DDI2: variants seen among roughly 807,000 people sequenced by gnomAD.
DDI2 encodes the protein protein DDI1 homolog 2.
DDI2 carries 5 observed loss-of-function variants against 48.1 expected under a neutral mutation model. The ratio of observed to expected loss-of-function variants is 0.10; its 90% CI spans 0.05 to 0.22. DDI2 has a LOEUF of 0.22. DDI2 is among the 10% of genes least tolerant of loss of function. The probability of loss-of-function intolerance (pLI) is 1.00; values close to 1 mark genes in which losing one functional copy is unlikely to be tolerated. For missense variants in DDI2, 285 were observed against 506.2 expected, an observed-to-expected ratio of 0.56 and a Z score of 4.19; for synonymous variants, 205 against 183.6, an observed-to-expected ratio of 1.12 and a Z score of -0.94.
At chr1:15,634,565 C>G (rs1639899392) in intron 4 of DDI2, among the ~76,000 whole-genome samples, 1 of 18,764 alleles carries the variant, frequency 5.3e-5, no homozygotes, top group Non-Finnish European at 9.0e-5. Context: ...CAAGGTCTCA[C>G]TCTGTCACCC....
At chr1:15,623,740 C>T (rs1639707487) in intron 1 of DDI2, among the ~76,000 whole-genome samples, 1 of 151,954 alleles carries the variant, frequency 6.6e-6, no homozygotes. Flanking sequence ...TTTGCTTCCT[C>T]CTTGTAAATA....
At chr1:15,636,250 T>C (rs1639927449) in intron 4 of DDI2, among the ~76,000 whole-genome samples, 1 of 152,116 alleles carries the variant, frequency 6.6e-6, no homozygotes, top group Non-Finnish European at 1.5e-5. Flanking sequence ...CCCATCAGCC[T>C]CCTGAGTAGC....
intron 6 of DDI2, among the ~76,000 whole-genome samples, chr1:15,648,425 A>G (rs1323701978): frequency 3.3e-5 from 5 of 152,354 alleles, no homozygotes; most frequent in South Asian, 2.1e-4. Context: ...GTTCTCCCAC[A>G]TTAATCCACA....
chr1:15,650,609 G>A (rs576602413), intron 7 of DDI2, among the ~76,000 whole-genome samples: 38 of 152,176 alleles, frequency 2.5e-4, no homozygotes, highest in Middle Eastern at 6.8e-3. Flanking sequence ...TTAGCTAGGC[G>A]TGGTGGTACA....
At position 15,660,946 on chromosome 1, in the gene DDI2, C is replaced by A; in HGVS notation, c.*1156C>A. The A allele has an allele frequency of 1.2e-6, 2 of 1,613,310 alleles. No homozygotes were observed. The highest frequency in any genetic ancestry group is 1.7e-6 in the Non-Finnish European group (2 of 1,179,720). On this transcript the variant is annotated 3_prime_UTR_variant, in exon 10 of 10. Transcript: ENST00000480945. Reference sequence around the variant, plus strand: ...TATAACGGCAGCCTTGAAAGAACTTCATGAACTTTTGGTTGTTAGCAGTAA... The same window carrying A: ...TATAACGGCAGCCTTGAAAGAACTTAATGAACTTTTGGTTGTTAGCAGTAA...
At chr1:15,624,640 AT>A (rs973659751) in intron 1 of DDI2, among the ~76,000 whole-genome samples, 35 of 148,350 alleles carry the variant, frequency 2.4e-4, no homozygotes, top group Non-Finnish European at 2.5e-4. Context: ...GCTATTTAAA[AT>A]TTTTTTTTTT....
chr1:15,629,825 G>A (rs529684790), intron 2 of DDI2, among the ~76,000 whole-genome samples: 1 of 150,292 alleles, frequency 6.7e-6, no homozygotes, highest in African/African-American at 2.4e-5. Context: ...TCCACCTCCC[G>A]GGTTCAGGTG....
At chr1:15,624,326 A>C (rs1394242752) in intron 1 of DDI2, among the ~76,000 whole-genome samples, 1 of 152,150 alleles carries the variant, frequency 6.6e-6, no homozygotes, top group African/African-American at 2.4e-5. Flanking sequence ...CACAAGTTAT[A>C]ATATGACTCT....
intron 3 of DDI2, among the ~76,000 whole-genome samples, chr1:15,633,033 C>A (rs59646363): frequency 2.6e-5 from 4 of 151,390 alleles, no homozygotes; most frequent in Admixed American, 2.0e-4. Context: ...GCCATCCCCC[C>A]ACCCTTGAAC....
At chr1:15,653,508 G>C (rs1450816340) in intron 8 of DDI2, among the ~76,000 whole-genome samples, 1 of 151,742 alleles carries the variant, frequency 6.6e-6, no homozygotes, top group Non-Finnish European at 1.5e-5. Context: ...ACCGAAGACA[G>C]AAGAACCAAC....
chr1:15,653,655 T>C (rs1330839806), intron 8 of DDI2, among the ~76,000 whole-genome samples: 1 of 152,138 alleles, frequency 6.6e-6, no homozygotes, highest in Non-Finnish European at 1.5e-5. Flanking sequence ...TGCTACCATG[T>C]CCAGCTAATT....
At chr1:15,618,432 C>G (rs919461221) in intron 1 of DDI2, among the ~76,000 whole-genome samples, 4 of 152,112 alleles carry the variant, frequency 2.6e-5, no homozygotes, top group African/African-American at 4.8e-5. Context: ...TTTTGAAAAA[C>G]AGTACCTATT....
intron 3 of DDI2, among the ~76,000 whole-genome samples, chr1:15,631,379 G>A (rs1639841466): frequency 6.6e-6 from 1 of 152,252 alleles, no homozygotes; most frequent in Non-Finnish European, 1.5e-5. Context: ...GCCTCCCAAA[G>A]TGCTGGGATT....
At chr1:15,635,704 C>T (rs1639917810) in intron 4 of DDI2, among the ~76,000 whole-genome samples, 1 of 152,162 alleles carries the variant, frequency 6.6e-6, no homozygotes, top group South Asian at 2.1e-4. Context: ...TGCGCCTGGC[C>T]ACATCCATTC....
rs549986230 is a variant in DDI2, at chr1:15,642,369, A to C, written c.761-1153A>C. ...TTGTTGGAGCAGAGTATGGGAGTCC[A>C]CTTCTAAATTTTGGAAGACTGCATG... On this transcript the variant is annotated intron_variant, in intron 5 of 9. Transcript: ENST00000480945. Among the ~76,000 whole-genome samples the C allele has an allele frequency of 6.6e-5, 10 of 152,344 alleles. No homozygotes were observed. In the East Asian group the frequency reaches 1.5e-3, roughly 23 times the overall value.
intron 4 of DDI2, among the ~76,000 whole-genome samples, chr1:15,634,550 T>TTTTTTTTTTTTTTTTA: frequency 6.8e-6 from 1 of 147,028 alleles, no homozygotes; most frequent in African/African-American, 2.6e-5. Context: ...TTTTTTTTTT[T>TTTTTTTTTTTTTTTTA]GAGACAAGGT....
Position 15,660,322 on chromosome 1 carries a change from T to G in DDI2, c.*532T>G. ...ACAGATGTTTCTAGGTGAAAAGGAT[T>G]GGCATCCAGAAAATCAGAACCTGAG... On this transcript the variant is annotated 3_prime_UTR_variant, in exon 10 of 10. Coordinates refer to ENST00000480945, the MANE Select transcript of DDI2 (RefSeq NM_032341.5). 6.2e-7 allele frequency: 1 copy of G among 1,614,144 alleles called. No individual in the cohort carries two copies. Among genetic ancestry groups the G allele is most frequent in the Non-Finnish European group, 8.5e-7 (1 of 1,180,038 alleles).
intron 2 of DDI2, among the ~76,000 whole-genome samples, chr1:15,630,007 C>T (rs1639818080): frequency 1.3e-5 from 2 of 152,124 alleles, no homozygotes; most frequent in African/African-American, 2.4e-5. Context: ...GCTGGGATTA[C>T]AGGTGTGAGC....
At chr1:15,618,188 T>A (rs1639596382) in intron 1 of DDI2, among the ~76,000 whole-genome samples, 1 of 152,020 alleles carries the variant, frequency 6.6e-6, no homozygotes, top group Non-Finnish European at 1.5e-5. Context: ...TTTGCTAGGA[T>A]TCATACATCC....
Sources: allele counts gnomAD v4.1 joint callset (sites outside exome capture counted in the v4.1 genomes callset), GRCh38; gene constraint gnomAD v4.1.1; transcripts MANE v1.5; gene names NCBI Gene and HGNC (gene_info 2026-07-23, HGNC 2026-07-21).